The following DMD variants were observed in gnomAD, a reference collection of about 807,000 sequenced individuals.
DMD encodes the protein mutant dystrophin.
DMD carries 63 observed loss-of-function variants against 330.1 expected under a neutral mutation model. The ratio of observed to expected loss-of-function variants is 0.19; its 90% CI spans 0.16 to 0.24. DMD has a LOEUF of 0.24. DMD is among the 10% of genes least tolerant of loss of function. The pLI is 1.00. For synonymous variants in DMD, 1,223 were observed against 959.8 expected, an observed-to-expected ratio of 1.27 and a Z score of -5.07; for missense variants, 3,344 against 2,684.1, an observed-to-expected ratio of 1.25 and a Z score of -5.43.
intron 1 of DMD, among the ~76,000 whole-genome samples, chrX:33,271,552 A>G (rs1301627918): frequency 1.8e-5 from 2 of 110,612 alleles, no homozygotes; most frequent in Non-Finnish European, 3.8e-5. Context: ...AGATCACCTG[A>G]GGTCAGGAGT....
chrX:32,001,224 A>G (rs113429437), intron 44 of DMD, among the ~76,000 whole-genome samples: 6,355 of 110,965 alleles, frequency 0.057, 150 homozygotes, highest in African/African-American at 0.082. Flanking sequence ...AAAACTCATC[A>G]AACTGTACAC....
chrX:31,705,960 A>G (rs1486163473), intron 52 of DMD, among the ~76,000 whole-genome samples: 2 of 111,484 alleles, frequency 1.8e-5, no homozygotes, highest in Non-Finnish European at 3.8e-5. Flanking sequence ...CATTCAGGAA[A>G]GGTTATATTA....
At chrX:31,437,626 A>C (rs963966826) in intron 60 of DMD, among the ~76,000 whole-genome samples, 2 of 111,154 alleles carry the variant, frequency 1.8e-5, no homozygotes, top group Non-Finnish European at 3.8e-5. Flanking sequence ...CCGAAGCAAC[A>C]GGCTCACTTC....
chrX:31,407,966 G>T (rs1190972326), intron 60 of DMD, among the ~76,000 whole-genome samples: 2 of 111,500 alleles, frequency 1.8e-5, no homozygotes, highest in Non-Finnish European at 3.8e-5. Context: ...TTATGAAACA[G>T]GATAAAACTG....
At chrX:33,223,511 A>G (rs1301787405) in intron 1 of DMD, among the ~76,000 whole-genome samples, 1 of 112,334 alleles carries the variant, frequency 8.9e-6, no homozygotes, top group Non-Finnish European at 1.9e-5. Context: ...ATAACGGAGC[A>G]AAGACAACCT....
intron 52 of DMD, among the ~76,000 whole-genome samples, chrX:31,699,877 A>AAATAG (rs1401776464): frequency 9.0e-6 from 1 of 111,495 alleles, no homozygotes; most frequent in African/African-American, 3.3e-5. Flanking sequence ...AAAAATTTTA[A>AAATAG]AATAGAATGT....
intron 44 of DMD, among the ~76,000 whole-genome samples, chrX:32,161,974 C>T (rs1254291796): frequency 9.0e-6 from 1 of 111,329 alleles, no homozygotes; most frequent in Non-Finnish European, 1.9e-5. Context: ...AGGATTGAAA[C>T]CTAGTGAATG....
intron 61 of DMD, among the ~76,000 whole-genome samples, chrX:31,329,399 G>A (rs1434682337): frequency 9.0e-6 from 1 of 111,664 alleles, no homozygotes; most frequent in Non-Finnish European, 1.9e-5. Context: ...GTGACAATGT[G>A]GATGGGCCTT....
chrX:31,183,994 C>T (rs1285904188), intron 67 of DMD, among the ~76,000 whole-genome samples: 2 of 109,656 alleles, frequency 1.8e-5, no homozygotes, highest in African/African-American at 6.7e-5. Flanking sequence ...CTGCAATCTC[C>T]GCCTCCTGGG....
At chrX:31,449,833 T>G (rs2065596920) in intron 59 of DMD, among the ~76,000 whole-genome samples, 1 of 101,263 alleles carries the variant, frequency 9.9e-6, no homozygotes, top group African/African-American at 3.5e-5. Flanking sequence ...GCTATATATA[T>G]ATAAATATAT....
chrX:32,318,130 C>CA (rs1400316153), intron 41 of DMD, among the ~76,000 whole-genome samples: 1 of 111,256 alleles, frequency 9.0e-6, no homozygotes, highest in Non-Finnish European at 1.9e-5. Context: ...AAGTCTTAGA[C>CA]AAGTAGCTCT....
Position 31,815,068 on chromosome X carries a change from G to A in DMD, c.7309+4907C>T, listed in dbSNP as rs765886177. On this transcript the variant is annotated intron_variant, in intron 50 of 78. Coordinates refer to ENST00000357033, the MANE Select transcript of DMD (RefSeq NM_004006.3). ...CCTTGCTGCACACAGCAGAAGGGAT[G>A]AATTTATTCTTCCCCACTCACTGTA... Among the ~76,000 whole-genome samples, 3 of 112,430 alleles carry A rather than the reference G, an allele frequency of 2.7e-5. No individual in the cohort carries two copies. In the South Asian group the frequency reaches 1.1e-3, roughly 41 times the overall value.
At chrX:33,018,782 T>TA (rs1159654279) in intron 2 of DMD, among the ~76,000 whole-genome samples, 2 of 111,786 alleles carry the variant, frequency 1.8e-5, no homozygotes, top group African/African-American at 6.5e-5. Flanking sequence ...AAACTATATA[T>TA]AACCATCTTA....
chrX:31,476,603 C>T (rs951985690), intron 59 of DMD, among the ~76,000 whole-genome samples: 2 of 109,072 alleles, frequency 1.8e-5, no homozygotes, highest in African/African-American at 3.3e-5. Context: ...AAAAGGGCCA[C>T]GTAATCTCCT....
rs868624612 is a variant in DMD at position 32,815,514 on chromosome X, T to C, written c.530+954A>G. On this transcript the variant is annotated intron_variant, in intron 6 of 78. Transcript: ENST00000357033. ...ACAAGCATATATATATATATATATATATATATACACACACACACACACATA... is the reference window on the plus strand; with the variant it reads ...ACAAGCATATATATATATATATATACATATATACACACACACACACACATA... Among the ~76,000 whole-genome samples, 143 of 62,931 alleles carry C rather than the reference T, an allele frequency of 2.3e-3. 1 individual carries two copies. Among genetic ancestry groups the C allele is most frequent in the African/African-American group, 7.8e-3 (120 of 15,396 alleles). 54.6% of individuals were successfully genotyped at this position (62,931 alleles called of 115,157 possible).
At chrX:32,854,641 T>C (rs1199787182) in intron 2 of DMD, among the ~76,000 whole-genome samples, 2 of 107,195 alleles carry the variant, frequency 1.9e-5, no homozygotes, top group Non-Finnish European at 3.8e-5. Context: ...CAAAATTAGA[T>C]TGTGTCATGA....
At chrX:31,349,232 A>C (rs1409053384) in intron 60 of DMD, among the ~76,000 whole-genome samples, 1 of 112,521 alleles carries the variant, frequency 8.9e-6, no homozygotes, top group South Asian at 3.7e-4. Flanking sequence ...ACTTGAGGTC[A>C]TAAGTTCGAG....
chrX:32,740,449 A>G (rs113251867), intron 7 of DMD, among the ~76,000 whole-genome samples: 18,107 of 110,046 alleles, frequency 0.16, 1,798 homozygotes, highest in African/African-American at 0.36. Context: ...AACCTCAGAA[A>G]AAAGGATCAT....
At chrX:31,558,032 T>C (rs2074956129) in intron 55 of DMD, among the ~76,000 whole-genome samples, 1 of 111,788 alleles carries the variant, frequency 8.9e-6, no homozygotes, top group Admixed American at 9.5e-5. Flanking sequence ...TTTGATTTAC[T>C]CTCTTAGATA....
Sources: gnomAD v4.1 joint callset for allele counts (sites outside exome capture counted in the v4.1 genomes callset) on GRCh38, gnomAD v4.1.1 for gene constraint, MANE v1.5 for transcripts, NCBI Gene and HGNC (gene_info 2026-07-23, HGNC 2026-07-21) for gene names.